Variants in COL13A1 observed in about 807,000 individuals in gnomAD.
COL13A1 encodes collagen alpha-1(XIII) chain.
A neutral mutation model predicts 130.9 loss-of-function variants in COL13A1; 89 were observed. The observed-to-expected ratio is 0.68, with a 90% CI of 0.57 to 0.81. The LOEUF (loss-of-function observed/expected upper bound fraction) is 0.81, where lower values mean the gene tolerates loss of function less well. COL13A1 is among the 30% of genes least tolerant of loss of function. The pLI is 0.00. For missense variants in COL13A1, 879 were observed against 934.6 expected (o/e 0.94, Z 0.78); for synonymous variants, 402 against 341.6 (o/e 1.18, Z -1.95).
rs575890928 is a variant in COL13A1 at position 69,867,998 on chromosome 10, AC to A, written c.372+197del. On this transcript the variant is annotated intron_variant, in intron 3 of 40. Transcript: ENST00000645393. ...CATTTTGCTTTTCACCCACTTCTGC[AC>A]CCCTCCAGGGCAAGACAATGGCTGC... Among the ~76,000 whole-genome samples the A allele has an allele frequency of 1.3e-3, 200 of 151,748 alleles. 1 individual carries two copies. The highest frequency in any genetic ancestry group is 4.6e-3 in the African/African-American group (188 of 41,302).
At chr10:69,953,189 T>C (rs2069943167) in intron 39 of COL13A1, among the ~76,000 whole-genome samples, 1 of 152,208 alleles carries the variant, frequency 6.6e-6, no homozygotes, top group Non-Finnish European at 1.5e-5. Flanking sequence ...CTTTGAATCC[T>C]TTTCCTTTGA....
chr10:69,832,087 G>T (rs1008644609), intron 2 of COL13A1, among the ~76,000 whole-genome samples: 1 of 152,194 alleles, frequency 6.6e-6, no homozygotes, highest in Admixed American at 6.5e-5. Context: ...GCCATGTGAG[G>T]TCCCGAAGGC....
At chr10:69,817,401 C>T (rs780404093) in intron 1 of COL13A1, among the ~76,000 whole-genome samples, 6 of 151,058 alleles carry the variant, frequency 4.0e-5, no homozygotes, top group Admixed American at 6.6e-5. Context: ...TTCTCAAGGT[C>T]ATCAGTTGAC....
chr10:69,891,058 G>A (rs2061122987), intron 10 of COL13A1, among the ~76,000 whole-genome samples: 1 of 152,072 alleles, frequency 6.6e-6, no homozygotes, highest in African/African-American at 2.4e-5. Flanking sequence ...TTTTTATGGA[G>A]TATCTAAAAT....
Position 69,903,274 on chromosome 10 carries a change from C to T in COL13A1, c.858+419C>T, listed in dbSNP as rs567601253. Reference sequence around the variant, plus strand: ...CCCCAGTGAACATGCCTTCCAGGGGCGTGTGCAGGTTTCACACTGCTGGGC... The same window carrying T: ...CCCCAGTGAACATGCCTTCCAGGGGTGTGTGCAGGTTTCACACTGCTGGGC... On this transcript the variant is annotated intron_variant, in intron 15 of 40. Coordinates refer to ENST00000645393, the MANE Select transcript of COL13A1 (RefSeq NM_001368882.1). Among the ~76,000 whole-genome samples the T allele has an allele frequency of 3.9e-5, 6 of 152,348 alleles. 1 individual carries two copies. The highest frequency in any genetic ancestry group is 9.6e-5 in the African/African-American group (4 of 41,586).
intron 2 of COL13A1, 101 bp from the exon 3 acceptor site, chr10:69,867,697 C>T: frequency 2.9e-6 from 2 of 695,908 alleles, no homozygotes; most frequent in Non-Finnish European, 5.4e-6. Context: ...CAGATGGAAA[C>T]CCCTCCGCTG....
At position 69,802,305 on chromosome 10, in the gene COL13A1, G is replaced by T. The variant is rs1372414837; in HGVS notation, c.-119G>T. The T allele has an allele frequency of 6.0e-5, 71 of 1,188,318 alleles. No homozygotes were observed. The highest frequency in any genetic ancestry group is 7.5e-5 in the Non-Finnish European group (69 of 916,794). 73.6% of individuals were successfully genotyped at this position (1,188,318 alleles called of 1,614,324 possible). ...TTTGCCGGGAGCAGCGGAAAGGGAC[G>T]TTTTCCAGCGATACAAGCCCTTTCC... On this transcript the variant is annotated 5_prime_UTR_variant, in exon 1 of 41. Transcript: ENST00000645393.
intron 16 of COL13A1, 146 bp from the exon 17 acceptor site, chr10:69,905,641 C>A (rs1565014774): frequency 1.2e-6 from 1 of 840,518 alleles, no homozygotes; most frequent in Non-Finnish European, 2.0e-6. Context: ...AGCTATTGCT[C>A]CTGGGAAGGC....
At chr10:69,952,273 G>A (rs4746014) in intron 38 of COL13A1, among the ~76,000 whole-genome samples, 28,593 of 152,118 alleles carry the variant, frequency 0.19, 3,177 homozygotes, top group Non-Finnish European at 0.24. Flanking sequence ...ATGTGTTCAC[G>A]TGCCCAAGCA....
chr10:69,836,548 T>C (rs1047124184), intron 2 of COL13A1, among the ~76,000 whole-genome samples: 15 of 152,156 alleles, frequency 9.9e-5, no homozygotes, highest in African/African-American at 3.6e-4. Context: ...CTCCAGCTGC[T>C]CATTCTCTTT....
chr10:69,835,123 G>A (rs1459893232), intron 2 of COL13A1, among the ~76,000 whole-genome samples: 1 of 152,146 alleles, frequency 6.6e-6, no homozygotes, highest in East Asian at 1.9e-4. Flanking sequence ...CAGCACACAT[G>A]GGTGCTGTGC....
In COL13A1 at chr10:69,810,376, G is replaced by GAGAGAGAGAGAGAGACACAGAGAC. The variant is rs1230051691; in HGVS notation, c.294+7664_294+7665insGAGAGAGAGACACAGAGACAGAGA. On this transcript the variant is annotated intron_variant, in intron 1 of 40. Transcript: ENST00000645393. ...AGAGAGAGAGAGAGAGAGAGAGAGA[G>GAGAGAGAGAGAGAGACACAGAGAC]AGAGACAGAGAGTCTGTGTGGCCCA... Among the ~76,000 whole-genome samples, 451 of 133,750 alleles carry GAGAGAGAGAGAGAGACACAGAGAC rather than the reference G, an allele frequency of 3.4e-3. 13 individuals carry two copies. The highest frequency in any genetic ancestry group is 4.5e-3 in the Non-Finnish European group (281 of 62,176). 87.7% of individuals were successfully genotyped at this position (133,750 alleles called of 152,430 possible). A position where few individuals can be genotyped will look rare whatever the true frequency, so the allele number is the denominator to read the frequency against.
chr10:69,954,713 G>A (rs2070297058), intron 39 of COL13A1, among the ~76,000 whole-genome samples: 1 of 152,192 alleles, frequency 6.6e-6, no homozygotes, highest in South Asian at 2.1e-4. Context: ...ATCCTAAAGG[G>A]TTTGTCCTTC....
chr10:69,910,878 G>A (rs369960464), intron 17 of COL13A1, among the ~76,000 whole-genome samples: 6 of 152,312 alleles, frequency 3.9e-5, no homozygotes, highest in South Asian at 2.1e-4. Flanking sequence ...CACTTTGGGG[G>A]CGCATTTGAT....
At chr10:69,919,188 G>A (rs991560214) in intron 20 of COL13A1, 100 bp downstream of exon 20, 5 of 1,501,640 alleles carry the variant, frequency 3.3e-6, no homozygotes, top group Admixed American at 3.4e-5. Context: ...CCCTGAGGCT[G>A]GCCTGGGACT....
chr10:69,816,728 G>C lies in COL13A1; in HGVS notation c.295-5641G>C, dbSNP rs118119484. ...GCAGGAAGTGCCCCGAGGAAGAAGG[G>C]GGGTGAGCAAAGGCTGCAGCCTGGC... On this transcript the variant is annotated intron_variant, in intron 1 of 40. Transcript: ENST00000645393. Among the ~76,000 whole-genome samples, 553 of 152,246 alleles carry C rather than the reference G, an allele frequency of 3.6e-3. 14 individuals carry two copies. The East Asian group carries it at 0.057, about 16-fold the overall frequency.
At chr10:69,829,379 C>A in intron 2 of COL13A1, 3 of 547,108 alleles carry the variant, frequency 5.5e-6, no homozygotes, top group Non-Finnish European at 7.0e-6. Context: ...CCTAACACAG[C>A]TTGTTACCTG....
chr10:69,803,055 G>C (rs1035278253), intron 1 of COL13A1, among the ~76,000 whole-genome samples: 17 of 152,182 alleles, frequency 1.1e-4, no homozygotes, highest in African/African-American at 4.1e-4. Flanking sequence ...TTCGGGACCC[G>C]GCCAGGGTGG....
chr10:69,957,083 G>T lies in COL13A1; in HGVS notation c.2184+41G>T, dbSNP rs569423283. 2.0e-5 allele frequency: 31 copies of T among 1,559,570 alleles called. No individual in the cohort carries two copies. In the South Asian group the frequency reaches 2.4e-4, roughly 12 times the overall value. On this transcript the variant is annotated intron_variant, in intron 40 of 40. Coordinates refer to ENST00000645393, the MANE Select transcript of COL13A1 (RefSeq NM_001368882.1). ...GGTGTGCACTGGGGCTCCGTTCTCA[G>T]CAGTGCCATAAAGCTTCCACAATTT...
Sources: allele counts gnomAD v4.1 joint callset (sites outside exome capture counted in the v4.1 genomes callset), GRCh38; gene constraint gnomAD v4.1.1; transcripts MANE v1.5; gene names NCBI Gene and HGNC (gene_info 2026-07-23, HGNC 2026-07-21).